Variants in ADAMTSL1 observed in about 807,000 individuals in gnomAD.
ADAMTSL1 encodes ADAMTS like 1, also known as ADAMTS-like protein 1.
ADAMTSL1 carries 126 observed loss-of-function variants against 201.8 expected under a neutral mutation model. That is an observed-to-expected ratio of 0.62 (90% CI 0.54 to 0.72). ADAMTSL1 has a LOEUF of 0.72. Among genes scored for constraint, ADAMTSL1 ranks in the 30% least tolerant of loss-of-function variants. The probability of loss-of-function intolerance (pLI) is 0.00; values close to 1 mark genes in which losing one functional copy is unlikely to be tolerated. For synonymous variants in ADAMTSL1, 1,121 were observed against 903.4 expected, an observed-to-expected ratio of 1.24 and a Z score of -4.32; for missense variants, 2,679 against 2,277.8, an observed-to-expected ratio of 1.18 and a Z score of -3.59.
intron 1 of ADAMTSL1, among the ~76,000 whole-genome samples, chr9:17,994,359 A>T (rs759811404): frequency 6.6e-6 from 1 of 152,138 alleles, no homozygotes; most frequent in Non-Finnish European, 1.5e-5. Flanking sequence ...TCAGTGTCAT[A>T]GATTGTAGAA....
intron 4 of ADAMTSL1, among the ~76,000 whole-genome samples, chr9:18,582,245 A>AATGTTTAG (rs1409225636): frequency 1.3e-5 from 2 of 152,120 alleles, no homozygotes; most frequent in Non-Finnish European, 2.9e-5. Context: ...AAATGCTAGT[A>AATGTTTAG]CCTTTTTGTT....
chr9:18,213,352 T>A (rs1380584092), intron 2 of ADAMTSL1, among the ~76,000 whole-genome samples: 1 of 152,208 alleles, frequency 6.6e-6, no homozygotes, highest in Non-Finnish European at 1.5e-5. Flanking sequence ...GGGATTGAAT[T>A]GGTGTTGGTA....
chr9:18,243,113 C>T (rs1011692043), intron 2 of ADAMTSL1, among the ~76,000 whole-genome samples: 11 of 152,116 alleles, frequency 7.2e-5, no homozygotes, highest in East Asian at 1.9e-4. Context: ...CAAAACAGTA[C>T]GGTACTGGCA....
chr9:18,212,735 C>T (rs1350588316), intron 2 of ADAMTSL1, among the ~76,000 whole-genome samples: 1 of 152,092 alleles, frequency 6.6e-6, no homozygotes, highest in Non-Finnish European at 1.5e-5. Flanking sequence ...AGTTGTCTTC[C>T]ATTCAAAGGG....
intron 20 of ADAMTSL1, among the ~76,000 whole-genome samples, chr9:18,814,340 G>A (rs914466637): frequency 6.6e-6 from 1 of 152,140 alleles, no homozygotes; most frequent in Non-Finnish European, 1.5e-5. Context: ...TTAGCCTGTA[G>A]CTTCCTTTTT....
At chr9:18,345,187 G>T (rs1835650092) in intron 2 of ADAMTSL1, among the ~76,000 whole-genome samples, 1 of 152,042 alleles carries the variant, frequency 6.6e-6, no homozygotes. Context: ...ATTGGCCACG[G>T]CCTAAATAAA....
chr9:17,909,041 T>A (rs565966452), intron 1 of ADAMTSL1, among the ~76,000 whole-genome samples: 2 of 149,808 alleles, frequency 1.3e-5, no homozygotes, highest in South Asian at 4.4e-4. Flanking sequence ...TATCTCATTG[T>A]GGTTTTGATT....
intron 2 of ADAMTSL1, among the ~76,000 whole-genome samples, chr9:18,250,229 A>T (rs1831411969): frequency 6.6e-6 from 1 of 152,194 alleles, no homozygotes; most frequent in Non-Finnish European, 1.5e-5. Flanking sequence ...TTAATTCCTC[A>T]GGGTTATCAT....
At chr9:18,242,365 C>T (rs1419383454) in intron 2 of ADAMTSL1, among the ~76,000 whole-genome samples, 2 of 152,040 alleles carry the variant, frequency 1.3e-5, no homozygotes, top group South Asian at 2.1e-4. Flanking sequence ...AATTCCTCAA[C>T]ATAATAAAGG....
intron 2 of ADAMTSL1, among the ~76,000 whole-genome samples, chr9:18,250,668 G>T (rs990682754): frequency 6.6e-6 from 1 of 152,128 alleles, no homozygotes; most frequent in Non-Finnish European, 1.5e-5. Context: ...GCCCTGGGAA[G>T]TGATGCCCAT....
intron 2 of ADAMTSL1, among the ~76,000 whole-genome samples, chr9:18,250,928 G>T (rs1402531735): frequency 6.6e-6 from 1 of 152,088 alleles, no homozygotes; most frequent in Non-Finnish European, 1.5e-5. Context: ...GGTCAGGAGA[G>T]AATAATGACA....
intron 2 of ADAMTSL1, among the ~76,000 whole-genome samples, chr9:18,325,461 T>TATG (rs1834793422): frequency 1.3e-5 from 2 of 152,210 alleles, no homozygotes; most frequent in South Asian, 4.1e-4. Flanking sequence ...TCTCAAACGT[T>TATG]ATGTTGAGTG....
chr9:18,558,258 T>G (rs1821232925), intron 3 of ADAMTSL1, among the ~76,000 whole-genome samples: 1 of 152,186 alleles, frequency 6.6e-6, no homozygotes, highest in Non-Finnish European at 1.5e-5. Context: ...GAACATTCAG[T>G]GTCTGGTTTT....
At chr9:17,951,257 A>G (rs531489712) in intron 1 of ADAMTSL1, among the ~76,000 whole-genome samples, 2 of 152,266 alleles carry the variant, frequency 1.3e-5, no homozygotes, top group African/African-American at 4.8e-5. Context: ...GTAGTTTCAT[A>G]TACTGTGCTG....
chr9:18,297,758 C>G (rs1048470162), intron 2 of ADAMTSL1, among the ~76,000 whole-genome samples: 2 of 152,290 alleles, frequency 1.3e-5, no homozygotes, highest in African/African-American at 2.4e-5. Context: ...CTCCTCTTAA[C>G]TGAAGGGAAA....
chr9:17,956,823 G>A (rs1827950695), intron 1 of ADAMTSL1, among the ~76,000 whole-genome samples: 1 of 152,184 alleles, frequency 6.6e-6, no homozygotes, highest in Non-Finnish European at 1.5e-5. Context: ...CTGGAGATGA[G>A]CTCAGGGGGT....
At chr9:18,341,269 C>A (rs892762835) in intron 2 of ADAMTSL1, among the ~76,000 whole-genome samples, 3 of 152,110 alleles carry the variant, frequency 2.0e-5, no homozygotes, top group Non-Finnish European at 4.4e-5. Flanking sequence ...CTGGTCCAGT[C>A]TTAATGAAAA....
intron 1 of ADAMTSL1, among the ~76,000 whole-genome samples, chr9:18,114,247 T>C (rs879900145): frequency 6.6e-6 from 1 of 152,102 alleles, no homozygotes; most frequent in African/African-American, 2.4e-5. Context: ...TTGATGAAAG[T>C]TGGCCATTCA....
chr9:18,765,568 A>G (rs1820310750), intron 16 of ADAMTSL1, among the ~76,000 whole-genome samples: 1 of 152,210 alleles, frequency 6.6e-6, no homozygotes, highest in African/African-American at 2.4e-5. Context: ...TTCAGCTCAT[A>G]CCCTGACCAC....
Sources: gnomAD v4.1 joint callset for allele counts (sites outside exome capture counted in the v4.1 genomes callset) on GRCh38, gnomAD v4.1.1 for gene constraint, MANE v1.5 for transcripts, NCBI Gene and HGNC (gene_info 2026-07-23, HGNC 2026-07-21) for gene names.